The following ATP8B1 variants were observed in gnomAD, a reference collection of about 807,000 sequenced individuals.
The protein encoded by ATP8B1 is ATPase phospholipid transporting 8B1.
A neutral mutation model predicts 149.9 loss-of-function variants in ATP8B1; 80 were observed. The ratio of observed to expected loss-of-function variants is 0.53; its 90% CI spans 0.45 to 0.64. The LOEUF (loss-of-function observed/expected upper bound fraction) is 0.64. Ranked by LOEUF, ATP8B1 falls within the 30% of genes least tolerant of loss-of-function variation. ATP8B1 has a pLI of 0.00. For synonymous variants in ATP8B1, 536 were observed against 562.8 expected, an observed-to-expected ratio of 0.95 and a Z score of 0.67; for missense variants, 1,247 against 1,552.6, an observed-to-expected ratio of 0.80 and a Z score of 3.31.
intron 2 of ATP8B1, among the ~76,000 whole-genome samples, chr18:57,730,989 T>TC (rs1480426203): frequency 6.6e-6 from 1 of 152,078 alleles, no homozygotes; most frequent in Non-Finnish European, 1.5e-5. Flanking sequence ...CCCGCATAAC[T>TC]CCATTTTAAG....
chr18:57,693,708 C>CA lies in ATP8B1; in HGVS notation c.1029+873dup, dbSNP rs1179772336. 5.8e-4 allele frequency among the ~76,000 whole-genome samples: 86 copies of CA among 148,868 alleles called. 1 individual carries two copies. The highest frequency in any genetic ancestry group is 8.9e-4 in the African/African-American group (36 of 40,398). ...GGGCAACAAGAGTGAAACTCAATCT[C>CA]AAAAAAAAACAAATAATAATAATAA... is the stretch of plus-strand genomic sequence containing the variant. On this transcript the variant is annotated intron_variant, in intron 11 of 27. Coordinates refer to ENST00000648908, the MANE Select transcript of ATP8B1 (RefSeq NM_001374385.1).
intron 2 of ATP8B1, among the ~76,000 whole-genome samples, chr18:57,725,982 C>A (rs991234791): frequency 6.6e-6 from 1 of 152,228 alleles, no homozygotes; most frequent in East Asian, 1.9e-4. Context: ...GTAATTCCAG[C>A]ACTTTGGGAA....
chr18:57,712,273 A>G (rs1407193237), intron 2 of ATP8B1, among the ~76,000 whole-genome samples: 2 of 152,116 alleles, frequency 1.3e-5, no homozygotes, highest in African/African-American at 4.8e-5. Flanking sequence ...TGAATTGCCA[A>G]TGCCACCCCT....
chr18:57,706,168 T>C (rs1471772212), intron 3 of ATP8B1, among the ~76,000 whole-genome samples: 1 of 152,210 alleles, frequency 6.6e-6, no homozygotes, highest in Non-Finnish European at 1.5e-5. Context: ...AAGAGATTCC[T>C]TTCAAACTCA....
chr18:57,690,033 CAACA>C (rs995628621), intron 12 of ATP8B1, among the ~76,000 whole-genome samples: 11 of 149,552 alleles, frequency 7.4e-5, no homozygotes, highest in East Asian at 3.8e-4. Flanking sequence ...AACAAACAAA[CAACA>C]AACAAACAAA....
At chr18:57,649,499 G>A (rs1909458222) in intron 27 of ATP8B1, among the ~76,000 whole-genome samples, 1 of 152,028 alleles carries the variant, frequency 6.6e-6, no homozygotes, top group African/African-American at 2.4e-5. Context: ...GCATACTGTT[G>A]GCACTGCAAA....
At chr18:57,746,565 C>T (rs2079965867) in intron 1 of ATP8B1, among the ~76,000 whole-genome samples, 1 of 150,694 alleles carries the variant, frequency 6.6e-6, no homozygotes, top group South Asian at 2.1e-4. Context: ...CCTCCGCCTC[C>T]CTGGTTCAGG....
At position 57,784,436 on chromosome 18, in the gene ATP8B1, G is replaced by A. The variant is rs1309983644; in HGVS notation, c.-26+18562C>T. Among the ~76,000 whole-genome samples the A allele has an allele frequency of 6.6e-6, 1 of 152,184 alleles. No individual in the cohort carries two copies. The highest frequency in any genetic ancestry group is 1.5e-5 in the Non-Finnish European group (1 of 68,028). On this transcript the variant is annotated intron_variant, in intron 1 of 27. Coordinates refer to ENST00000648908, the MANE Select transcript of ATP8B1 (RefSeq NM_001374385.1). This position sits in a 1 kb window ranked among gnomAD's most constrained non-coding sequence, Gnocchi z 4.4. ...GACAGCTTGAACCTCGCGGATGGCAGCGGAGATAGAGGTTATCAGGTGGAG... is the reference window on the plus strand; with the variant it reads ...GACAGCTTGAACCTCGCGGATGGCAACGGAGATAGAGGTTATCAGGTGGAG...
At chr18:57,711,543 G>A (rs1411476520) in intron 2 of ATP8B1, among the ~76,000 whole-genome samples, 1 of 152,168 alleles carries the variant, frequency 6.6e-6, no homozygotes, top group African/African-American at 2.4e-5. Context: ...GCATACAAAC[G>A]TGTATCTCTC....
intron 1 of ATP8B1, among the ~76,000 whole-genome samples, chr18:57,786,057 T>C (rs2080405570): frequency 6.6e-6 from 1 of 152,176 alleles, no homozygotes; most frequent in Non-Finnish European, 1.5e-5. Flanking sequence ...TACCTATCAG[T>C]GTGGAAAGGC....
chr18:57,801,634 G>GT (rs200054245), intron 1 of ATP8B1, among the ~76,000 whole-genome samples: 2,168 of 152,012 alleles, frequency 0.014, 29 homozygotes, highest in South Asian at 0.038. Context: ...ATCACGCGTG[G>GT]TTTTTTTTAG....
chr18:57,724,671 A>G (rs2123094246), intron 2 of ATP8B1, among the ~76,000 whole-genome samples: 1 of 147,136 alleles, frequency 6.8e-6, no homozygotes, highest in East Asian at 2.1e-4. Flanking sequence ...AACTAGTTCA[A>G]CCATTGTGGA....
At chr18:57,795,971 T>C (rs571913682) in intron 1 of ATP8B1, among the ~76,000 whole-genome samples, 1 of 151,876 alleles carries the variant, frequency 6.6e-6, no homozygotes, top group African/African-American at 2.4e-5. Flanking sequence ...GAGTTCAAGA[T>C]CAGCCTGGCC....
intron 16 of ATP8B1, 32 bp from the exon 17 acceptor site, chr18:57,671,612 A>C: frequency 1.4e-6 from 2 of 1,481,436 alleles, no homozygotes; most frequent in South Asian, 1.1e-5. Flanking sequence ...AAACACAACA[A>C]AGTTTGATTT....
intron 1 of ATP8B1, among the ~76,000 whole-genome samples, chr18:57,756,298 T>TATATACATATATAC (rs2080081262): frequency 3.0e-5 from 3 of 98,928 alleles, no homozygotes; most frequent in Admixed American, 9.7e-5. Context: ...TGTGTGTGTG[T>TATATACATATATAC]ATGTATATAT....
At chr18:57,725,851 C>G (rs1371064643) in intron 2 of ATP8B1, among the ~76,000 whole-genome samples, 1 of 152,174 alleles carries the variant, frequency 6.6e-6, no homozygotes, top group Non-Finnish European at 1.5e-5. Context: ...AAAGTAGACC[C>G]CATCTCTTGT....
rs1480531144 is a variant in ATP8B1, at chr18:57,791,349, TTC to T, written c.-26+11647_-26+11648del. 1.5e-3 allele frequency among the ~76,000 whole-genome samples: 140 copies of T among 94,352 alleles called. 1 individual carries two copies. The highest frequency in any genetic ancestry group is 4.3e-3 in the African/African-American group (120 of 28,194). 61.9% of individuals were successfully genotyped at this position (94,352 alleles called of 152,430 possible). On this transcript the variant is annotated intron_variant, in intron 1 of 27. Transcript: ENST00000648908. The stretch of plus-strand genomic sequence containing the variant: ...CTTCCTTTTTTCTTTTTCTTTTCTT[TTC>T]TTTTTTTTTTTTTTTTTGAGGCAGA...
chr18:57,681,459 G>C (rs746190109), intron 15 of ATP8B1, among the ~76,000 whole-genome samples: 5 of 152,142 alleles, frequency 3.3e-5, no homozygotes, highest in Admixed American at 6.6e-5. Context: ...TAATGAACAG[G>C]TGTTTTCAGT....
intron 15 of ATP8B1, among the ~76,000 whole-genome samples, chr18:57,676,913 G>A (rs1911634039): frequency 6.6e-6 from 1 of 152,156 alleles, no homozygotes; most frequent in Non-Finnish European, 1.5e-5. Context: ...TCAGGAGGCT[G>A]AGGCAGGAGG....
Sources: gnomAD v4.1 joint callset for allele counts (sites outside exome capture counted in the v4.1 genomes callset) on GRCh38, gnomAD v4.1.1 for gene constraint, Gnocchi (gnomAD v3.1) non-coding constraint, MANE v1.5 for transcripts, NCBI Gene and HGNC (gene_info 2026-07-23, HGNC 2026-07-21) for gene names.